SEMA4D: variants seen among roughly 807,000 people sequenced by gnomAD.
SEMA4D encodes semaphorin-4D.
SEMA4D carries 22 observed loss-of-function variants against 74.8 expected under a neutral mutation model. The ratio of observed to expected loss-of-function variants is 0.29; its 90% CI spans 0.21 to 0.42. The LOEUF is 0.42. SEMA4D is among the 10% of genes least tolerant of loss of function. The pLI is 1.00. For missense variants in SEMA4D, 937 were observed against 1,118.4 expected (o/e 0.84, Z 2.31); for synonymous variants, 445 against 463.7 (o/e 0.96, Z 0.52).
At chr9:89,414,894 C>T (rs1294735136) in intron 2 of SEMA4D, among the ~76,000 whole-genome samples, 1 of 152,214 alleles carries the variant, frequency 6.6e-6, no homozygotes, top group Non-Finnish European at 1.5e-5. Flanking sequence ...TGCTCTAACC[C>T]TCACCCACTT....
At chr9:89,366,706 T>G (rs1833730001) in intron 16 of SEMA4D, among the ~76,000 whole-genome samples, 1 of 152,250 alleles carries the variant, frequency 6.6e-6, no homozygotes, top group Admixed American at 6.5e-5. Context: ...TCCCAGCTGA[T>G]GGGCATCCAG....
chr9:89,448,607 G>A (rs911691827), intron 2 of SEMA4D, among the ~76,000 whole-genome samples: 6 of 152,240 alleles, frequency 3.9e-5, no homozygotes, highest in African/African-American at 1.2e-4. Context: ...CGGCAGCAGA[G>A]AAGGCGTAAA....
intron 1 of SEMA4D, among the ~76,000 whole-genome samples, chr9:89,471,308 T>C (rs974076644): frequency 6.6e-6 from 1 of 152,164 alleles, no homozygotes; most frequent in Non-Finnish European, 1.5e-5. Context: ...ACAATATGGA[T>C]GTACTTAATG....
chr9:89,381,467 AAGG>A lies in SEMA4D; in HGVS notation c.1447-124_1447-122del, dbSNP rs1349618439. ...GTGTACCTTCAGGGGACATTGCAGT[AAGG>A]AGGAGAGGTACTCAGAACCAGAGGC... is the stretch of plus-strand genomic sequence containing the variant. On this transcript the variant is annotated intron_variant, in intron 13 of 15. Coordinates refer to ENST00000422704, the MANE Select transcript of SEMA4D (RefSeq NM_001371194.2). This position sits in a 1 kb window ranked among gnomAD's most constrained non-coding sequence, Gnocchi z 4.6. 4.1e-6 allele frequency: 4 copies of A among 976,394 alleles called. No homozygotes were observed. In the East Asian group the frequency reaches 1.1e-4, roughly 26 times the overall value. The allele number at this position is 976,394 out of a possible 1,614,324, so 60.5% of individuals were successfully genotyped here.
chr9:89,395,720 TG>T (rs1487457369), intron 6 of SEMA4D, among the ~76,000 whole-genome samples: 1 of 152,206 alleles, frequency 6.6e-6, no homozygotes, highest in Non-Finnish European at 1.5e-5. Context: ...TACAGGCAGC[TG>T]GGTAGACCCC....
chr9:89,380,335 CTT>C (rs142959390), intron 15 of SEMA4D, among the ~76,000 whole-genome samples: 1 of 152,086 alleles, frequency 6.6e-6, no homozygotes, highest in Non-Finnish European at 1.5e-5. Context: ...GCCCGGCCAG[CTT>C]TTGTTTTCTT....
chr9:89,439,212 C>T (rs990510740), intron 2 of SEMA4D, among the ~76,000 whole-genome samples: 1 of 152,096 alleles, frequency 6.6e-6, no homozygotes, highest in Non-Finnish European at 1.5e-5. Flanking sequence ...AAACTCCTAA[C>T]CTCATGATCC....
intron 2 of SEMA4D, among the ~76,000 whole-genome samples, chr9:89,447,340 C>T (rs1853165101): frequency 6.6e-6 from 1 of 151,968 alleles, no homozygotes; most frequent in Admixed American, 6.5e-5. Context: ...ACCCCACAGC[C>T]TCCTCCCCAC....
intron 1 of SEMA4D, among the ~76,000 whole-genome samples, chr9:89,496,318 T>G (rs935467807): frequency 6.6e-6 from 1 of 152,232 alleles, no homozygotes; most frequent in Non-Finnish European, 1.5e-5. Context: ...GCTGGGGCTC[T>G]GCATCCCCAC....
chr9:89,485,730 G>A (rs1825131344), intron 1 of SEMA4D, among the ~76,000 whole-genome samples: 1 of 136,216 alleles, frequency 7.3e-6, no homozygotes, highest in African/African-American at 2.7e-5. Context: ...AGAGGTTGCA[G>A]TGAGCCAAGA....
At chr9:89,393,768 G>A in intron 6 of SEMA4D, 113 bp from the exon 7 acceptor site, 1 of 780,806 alleles carries the variant, frequency 1.3e-6, no homozygotes, top group Admixed American at 2.0e-5. Context: ...GACCAACAGG[G>A]CCGAGCAGAT....
intron 1 of SEMA4D, among the ~76,000 whole-genome samples, chr9:89,456,780 G>C (rs993727012): frequency 1.3e-5 from 2 of 152,146 alleles, no homozygotes; most frequent in African/African-American, 4.8e-5. Context: ...AGTAGAGACG[G>C]GGTTTCACCA....
intron 6 of SEMA4D, among the ~76,000 whole-genome samples, chr9:89,394,832 A>G (rs931640120): frequency 6.6e-6 from 1 of 152,228 alleles, no homozygotes; most frequent in Non-Finnish European, 1.5e-5. Context: ...GGAAATCTGA[A>G]CGGGGACTGG....
chr9:89,482,700 A>ACT (rs1824818585), intron 1 of SEMA4D, among the ~76,000 whole-genome samples: 1 of 152,176 alleles, frequency 6.6e-6, no homozygotes, highest in South Asian at 2.1e-4. Context: ...AAGGCTTCAG[A>ACT]GTAGTCCTGA....
In SEMA4D at chr9:89,379,636, C is replaced by T; in HGVS notation, c.1664-7G>A. ...TAACTTCCTTTACTTTTATCTGGAA[C>T]ATCAAAATAAACGTGCACAGCGTCA... On this transcript the variant is annotated splice_polypyrimidine_tract_variant and splice_region_variant and intron_variant, in intron 15 of 15. Coordinates refer to ENST00000422704, the MANE Select transcript of SEMA4D (RefSeq NM_001371194.2). The T allele has an allele frequency of 6.3e-7, 1 of 1,599,938 alleles. No homozygotes were observed. Among genetic ancestry groups the T allele is most frequent in the Non-Finnish European group, 8.5e-7 (1 of 1,171,198 alleles).
At chr9:89,482,325 T>C (rs984031518) in intron 1 of SEMA4D, among the ~76,000 whole-genome samples, 1 of 152,168 alleles carries the variant, frequency 6.6e-6, no homozygotes. Context: ...CTGCTCTTCA[T>C]GTCAGCTCTG....
At chr9:89,429,002 G>T (rs551824500) in intron 2 of SEMA4D, among the ~76,000 whole-genome samples, 2 of 151,616 alleles carry the variant, frequency 1.3e-5, no homozygotes, top group Non-Finnish European at 2.9e-5. Flanking sequence ...GGTCCCTGTG[G>T]GGGGGGTCTC....
At chr9:89,395,696 G>A (rs1840812197) in intron 6 of SEMA4D, among the ~76,000 whole-genome samples, 1 of 152,012 alleles carries the variant, frequency 6.6e-6, no homozygotes, top group African/African-American at 2.4e-5. Flanking sequence ...AGGTTTCGTT[G>A]CCAGCATCTG....
intron 2 of SEMA4D, among the ~76,000 whole-genome samples, chr9:89,439,601 C>T (rs775751434): frequency 1.3e-5 from 2 of 152,216 alleles, no homozygotes; most frequent in Non-Finnish European, 2.9e-5. Flanking sequence ...GTTTCAAACA[C>T]CTGCATTCAC....
Sources: allele counts gnomAD v4.1 joint callset (sites outside exome capture counted in the v4.1 genomes callset), GRCh38; gene constraint gnomAD v4.1.1; non-coding constraint Gnocchi (gnomAD v3.1); transcripts MANE v1.5; gene names NCBI Gene and HGNC (gene_info 2026-07-23, HGNC 2026-07-21).